Variants in TIMP3 observed in about 807,000 individuals in gnomAD.
TIMP3 encodes the protein metalloproteinase inhibitor 3.
Under a neutral mutation model 30.0 loss-of-function variants are expected in TIMP3, and 11 were observed. The ratio of observed to expected loss-of-function variants is 0.37; its 90% CI spans 0.23 to 0.61. TIMP3 has a LOEUF of 0.61. TIMP3 is among the 20% of genes least tolerant of loss of function. The pLI is 0.70. For synonymous variants in TIMP3, 112 were observed against 111.3 expected (o/e 1.01, Z -0.04); for missense variants, 181 against 276.8 (o/e 0.65, Z 2.45).
intron 1 of TIMP3, among the ~76,000 whole-genome samples, chr22:32,833,188 T>G (rs1360143201): frequency 6.6e-6 from 1 of 152,050 alleles, no homozygotes; most frequent in Non-Finnish European, 1.5e-5. Flanking sequence ...AAATTTGCAT[T>G]TATCCCCTAA....
chr22:32,833,253 A>G (rs2047630759), intron 1 of TIMP3, among the ~76,000 whole-genome samples: 1 of 152,182 alleles, frequency 6.6e-6, no homozygotes, highest in Non-Finnish European at 1.5e-5. Flanking sequence ...GTCGAAGGAC[A>G]TGGGACCATG....
chr22:32,820,436 A>G (rs905103975), intron 1 of TIMP3, among the ~76,000 whole-genome samples: 2 of 151,710 alleles, frequency 1.3e-5, no homozygotes, highest in African/African-American at 4.8e-5. Context: ...ATTCCACTGC[A>G]GCACCTAGCA....
At chr22:32,832,456 G>GA (rs937098375) in intron 1 of TIMP3, among the ~76,000 whole-genome samples, 5 of 150,788 alleles carry the variant, frequency 3.3e-5, no homozygotes, top group African/African-American at 9.7e-5. Context: ...AAAATGAATG[G>GA]AAAAAAACAG....
chr22:32,836,037 T>C (rs1250226822), intron 1 of TIMP3, among the ~76,000 whole-genome samples: 1 of 152,234 alleles, frequency 6.6e-6, no homozygotes, highest in Non-Finnish European at 1.5e-5. Context: ...AAATATTTAG[T>C]AGTAGAAAGA....
chr22:32,826,916 G>A (rs1018480627), intron 1 of TIMP3, among the ~76,000 whole-genome samples: 3 of 152,126 alleles, frequency 2.0e-5, no homozygotes, highest in African/African-American at 7.2e-5. Flanking sequence ...CCACTTGAGG[G>A]AACCTAGAGG....
chr22:32,855,365 A>G (rs1346827638), intron 2 of TIMP3, among the ~76,000 whole-genome samples: 1 of 152,214 alleles, frequency 6.6e-6, no homozygotes, highest in Non-Finnish European at 1.5e-5. Flanking sequence ...CACAGTGGCC[A>G]TAAATGGAAA....
chr22:32,825,316 G>C (rs1208342572), intron 1 of TIMP3, among the ~76,000 whole-genome samples: 1 of 152,148 alleles, frequency 6.6e-6, no homozygotes, highest in Non-Finnish European at 1.5e-5. Context: ...TTTAGAAAGA[G>C]GAGAGAACTT....
chr22:32,851,177 C>T (rs1017545329), intron 2 of TIMP3, among the ~76,000 whole-genome samples: 1 of 152,112 alleles, frequency 6.6e-6, no homozygotes, highest in Non-Finnish European at 1.5e-5. Flanking sequence ...TGGCAGACAG[C>T]GCGGGAATGC....
In TIMP3 at chr22:32,859,163, CTGTT is replaced by C. The variant is rs2048463679; in HGVS notation, c.439-16_439-13del. The stretch of plus-strand genomic sequence containing the variant: ...CATGGCAGAGTCCATCAACTGCTGC[CTGTT>C]ATCTAATTGCAGATCAAGTCCTGCT... On this transcript the variant is annotated splice_polypyrimidine_tract_variant and intron_variant, in intron 4 of 4. Coordinates refer to ENST00000266085, the MANE Select transcript of TIMP3 (RefSeq NM_000362.5). 1 of 1,614,134 alleles carries C rather than the reference CTGTT, an allele frequency of 6.2e-7. No individual in the cohort carries two copies. The highest frequency in any genetic ancestry group is 8.5e-7 in the Non-Finnish European group (1 of 1,179,968).
chr22:32,827,836 T>A (rs146686562), intron 1 of TIMP3, among the ~76,000 whole-genome samples: 2 of 152,276 alleles, frequency 1.3e-5, no homozygotes, highest in East Asian at 3.9e-4. Flanking sequence ...ACTGTCTCTT[T>A]TGAACTTGCT....
intron 1 of TIMP3, among the ~76,000 whole-genome samples, chr22:32,817,668 C>G: frequency 6.6e-6 from 1 of 152,206 alleles, no homozygotes; most frequent in East Asian, 1.9e-4. Context: ...TTCCTGTGGT[C>G]ATGACTTGTT....
Position 32,858,008 on chromosome 22 carries a change from C to T in TIMP3, c.317-9C>T. ...CAACCTCTCCTTGTTTTCTTCTTTC[C>T]TCCTGTAGGTCGCGTCTATGATGGC... On this transcript the variant is annotated splice_polypyrimidine_tract_variant and intron_variant, in intron 3 of 4. Transcript: ENST00000266085. 6 of 1,614,184 alleles carry T rather than the reference C, an allele frequency of 3.7e-6. No homozygotes were observed. The highest frequency in any genetic ancestry group is 5.1e-6 in the Non-Finnish European group (6 of 1,180,022).
intron 1 of TIMP3, among the ~76,000 whole-genome samples, chr22:32,813,958 T>A (rs1339586535): frequency 6.6e-6 from 1 of 152,170 alleles, no homozygotes; most frequent in Admixed American, 6.5e-5. Flanking sequence ...ATCATATTAT[T>A]ACTACATGGT....
At chr22:32,817,393 A>C (rs999559864) in intron 1 of TIMP3, among the ~76,000 whole-genome samples, 1 of 152,202 alleles carries the variant, frequency 6.6e-6, no homozygotes, top group African/African-American at 2.4e-5. Flanking sequence ...TTTCCCAAGA[A>C]GCACCTACAA....
intron 1 of TIMP3, among the ~76,000 whole-genome samples, chr22:32,838,263 G>A (rs188556175): frequency 6.6e-6 from 1 of 152,076 alleles, no homozygotes. Flanking sequence ...AAGGAGGGGG[G>A]GTGGCAAAAT....
chr22:32,851,392 A>C (rs1193519911), intron 2 of TIMP3, among the ~76,000 whole-genome samples: 1 of 152,066 alleles, frequency 6.6e-6, no homozygotes, highest in Non-Finnish European at 1.5e-5. Flanking sequence ...TGTGGACATA[A>C]TGTCCCATTC....
chr22:32,843,103 G>C (rs994251355), intron 1 of TIMP3, among the ~76,000 whole-genome samples: 2 of 151,992 alleles, frequency 1.3e-5, no homozygotes, highest in Non-Finnish European at 2.9e-5. Flanking sequence ...CCCCCACTAG[G>C]ATGCAAAACT....
intron 1 of TIMP3, among the ~76,000 whole-genome samples, chr22:32,840,559 A>C (rs1324914603): frequency 6.6e-6 from 1 of 150,488 alleles, no homozygotes; most frequent in African/African-American, 2.4e-5. Context: ...ATCTTCCTGG[A>C]AAGGCGGGAG....
At chr22:32,819,895 C>G (rs1036190301) in intron 1 of TIMP3, among the ~76,000 whole-genome samples, 1 of 152,200 alleles carries the variant, frequency 6.6e-6, no homozygotes, top group Non-Finnish European at 1.5e-5. Flanking sequence ...TCCTGTTCTG[C>G]GCATGGGCCC....
Sources: gnomAD v4.1 joint callset for allele counts (sites outside exome capture counted in the v4.1 genomes callset) on GRCh38, gnomAD v4.1.1 for gene constraint, MANE v1.5 for transcripts, NCBI Gene and HGNC (gene_info 2026-07-23, HGNC 2026-07-21) for gene names.